Variants in ZHX2 observed in about 807,000 individuals in gnomAD.
ZHX2 encodes the protein zinc fingers and homeoboxes 2, also known as zinc fingers and homeoboxes protein 2.
A neutral mutation model predicts 21.9 loss-of-function variants in ZHX2; 6 were observed. The observed-to-expected ratio is 0.27, with a 90% CI of 0.15 to 0.54. ZHX2 has a LOEUF of 0.54. ZHX2 is among the 20% of genes least tolerant of loss of function. ZHX2 has a pLI of 0.95. For missense variants in ZHX2, 908 were observed against 1,090.7 expected, an observed-to-expected ratio of 0.83 and a Z score of 2.36; for synonymous variants, 434 against 437.1, an observed-to-expected ratio of 0.99 and a Z score of 0.09.
rs115446219 is a variant in ZHX2, at chr8:122,848,319, G to C, written c.-282-15158G>C. On this transcript the variant is annotated intron_variant, in intron 1 of 3. Transcript: ENST00000314393. ...ACACCTCTTTTCAGTTGTCACTGAAGAAGGCGAAGAAGGCAGCCAGAGTCA... is the reference window on the plus strand; with the variant it reads ...ACACCTCTTTTCAGTTGTCACTGAACAAGGCGAAGAAGGCAGCCAGAGTCA... 8.9e-3 allele frequency among the ~76,000 whole-genome samples: 1,352 copies of C among 152,258 alleles called. 23 individuals are homozygous for C. The highest frequency in any genetic ancestry group is 0.03 in the African/African-American group (1,266 of 41,530).
At chr8:122,928,165 C>G (rs1219435202) in intron 2 of ZHX2, among the ~76,000 whole-genome samples, 1 of 152,142 alleles carries the variant, frequency 6.6e-6, no homozygotes, top group Non-Finnish European at 1.5e-5. Flanking sequence ...TTATCTCCCC[C>G]ACTCCCACCA....
At chr8:122,846,246 C>T (rs1335877538) in intron 1 of ZHX2, among the ~76,000 whole-genome samples, 2 of 152,136 alleles carry the variant, frequency 1.3e-5, no homozygotes, top group Non-Finnish European at 2.9e-5. Context: ...GTTAGGGGAT[C>T]CTTGCAAACT....
intron 2 of ZHX2, among the ~76,000 whole-genome samples, chr8:122,865,406 G>C (rs557835019): frequency 1.6e-3 from 237 of 152,316 alleles, no homozygotes; most frequent in Non-Finnish European, 2.6e-3. Flanking sequence ...GGGATTACAG[G>C]CGTGAGCCAC....
rs986456547 is a variant in ZHX2 at position 122,952,320 on chromosome 8, C to T, written c.810C>T (p.Ala270=). The change falls in exon 3 of 4, where the codon GCC becomes GCT. Residue 270 remains alanine, a synonymous_variant. Transcript: ENST00000314393. The surrounding 1 kb of genome is among the most constrained non-coding windows in gnomAD (Gnocchi z 6.9). ...VPLNTTKYNS[A]LDTNATMINS... is the part of the protein sequence containing the mutation. ...TAAATACTACCAAATACAACTCTGC[C>T]CTGGATACAAATGCCACGATGATCA... 32 of 1,614,012 alleles carry T rather than the reference C, an allele frequency of 2.0e-5. No individual in the cohort carries two copies. Among genetic ancestry groups the T allele is most frequent in the Non-Finnish European group, 2.6e-5 (31 of 1,180,028 alleles).
chr8:122,931,174 C>T (rs1418771140), intron 2 of ZHX2, among the ~76,000 whole-genome samples: 1 of 152,214 alleles, frequency 6.6e-6, no homozygotes. Flanking sequence ...GGCCTTCACC[C>T]TGCCTGACTG....
chr8:122,909,709 C>T (rs558440376), intron 2 of ZHX2, among the ~76,000 whole-genome samples: 34 of 152,176 alleles, frequency 2.2e-4, no homozygotes, highest in African/African-American at 7.7e-4. Flanking sequence ...CTCCAGCCTC[C>T]GGAGTGATCC....
intron 1 of ZHX2, among the ~76,000 whole-genome samples, chr8:122,820,535 G>A (rs1237499622): frequency 1.3e-5 from 2 of 152,222 alleles, no homozygotes; most frequent in African/African-American, 4.8e-5. Flanking sequence ...GGACTGAACA[G>A]GACAAGGGAG....
At chr8:122,926,965 A>G (rs548345239) in intron 2 of ZHX2, among the ~76,000 whole-genome samples, 11 of 152,296 alleles carry the variant, frequency 7.2e-5, no homozygotes, top group Admixed American at 7.2e-4. Flanking sequence ...CCTTAACTTC[A>G]TCACATCTGC....
intron 2 of ZHX2, among the ~76,000 whole-genome samples, chr8:122,899,662 C>T (rs1486947442): frequency 2.0e-5 from 3 of 152,124 alleles, no homozygotes; most frequent in Non-Finnish European, 4.4e-5. Flanking sequence ...GGTATTGTGT[C>T]TTACCCTCCT....
intron 1 of ZHX2, among the ~76,000 whole-genome samples, chr8:122,851,763 A>G (rs965120126): frequency 1.4e-4 from 21 of 152,210 alleles, no homozygotes; most frequent in African/African-American, 4.8e-4. Flanking sequence ...TTGGGGGCTC[A>G]GAAAGAGTAA....
At chr8:122,823,335 C>G (rs562925105) in intron 1 of ZHX2, among the ~76,000 whole-genome samples, 55 of 152,370 alleles carry the variant, frequency 3.6e-4, no homozygotes, top group Admixed American at 1.4e-3. Context: ...AGCATCTGCT[C>G]AGGCCTGCAA....
chr8:122,857,632 A>G (rs1261919533), intron 1 of ZHX2, among the ~76,000 whole-genome samples: 1 of 152,128 alleles, frequency 6.6e-6, no homozygotes, highest in Non-Finnish European at 1.5e-5. Flanking sequence ...GAGATGGCCC[A>G]GTTTTCCACA....
rs1355536554 is a variant in ZHX2 at position 122,870,499 on chromosome 8, C to T, written c.-220+6960C>T. The stretch of plus-strand genomic sequence containing the variant: ...TAAAAATAAAAAAAAAATAGCTGGG[C>T]GTAGTGACAGGTGCCTGTAATCCCA... On this transcript the variant is annotated intron_variant, in intron 2 of 3. Coordinates refer to ENST00000314393, the MANE Select transcript of ZHX2 (RefSeq NM_014943.5). 3.3e-5 allele frequency among the ~76,000 whole-genome samples: 5 copies of T among 151,532 alleles called. No homozygotes were observed. The East Asian group carries it at 5.8e-4, about 18-fold the overall frequency.
At chr8:122,850,319 G>A (rs1473673878) in intron 1 of ZHX2, among the ~76,000 whole-genome samples, 1 of 151,718 alleles carries the variant, frequency 6.6e-6, no homozygotes, top group Non-Finnish European at 1.5e-5. Context: ...GCTTCTCACT[G>A]CCTCTACCAC....
At chr8:122,933,479 C>T (rs957887816) in intron 2 of ZHX2, among the ~76,000 whole-genome samples, 3 of 151,932 alleles carry the variant, frequency 2.0e-5, no homozygotes, top group Admixed American at 6.6e-5. Flanking sequence ...TCTCTAAGCC[C>T]TGGTTTTCCG....
chr8:122,893,184 G>C (rs1820022517), intron 2 of ZHX2, among the ~76,000 whole-genome samples: 1 of 152,036 alleles, frequency 6.6e-6, no homozygotes, highest in Non-Finnish European at 1.5e-5. Flanking sequence ...GTGAGGTTTT[G>C]GCTGAAAAAT....
At chr8:122,802,189 G>A (rs915573807) in intron 1 of ZHX2, among the ~76,000 whole-genome samples, 5 of 152,072 alleles carry the variant, frequency 3.3e-5, no homozygotes, top group East Asian at 3.9e-4. Context: ...TCAGCCTCCC[G>A]AGTAGCTGGG....
intron 1 of ZHX2, among the ~76,000 whole-genome samples, chr8:122,810,843 C>CA (rs1346162357): frequency 3.3e-5 from 5 of 151,690 alleles, no homozygotes; most frequent in Admixed American, 1.3e-4. Context: ...GCACATTGTG[C>CA]AGGTTAGTTA....
intron 1 of ZHX2, among the ~76,000 whole-genome samples, chr8:122,863,077 G>C (rs1819205143): frequency 6.6e-6 from 1 of 152,110 alleles, no homozygotes. Flanking sequence ...TGAGCACAGA[G>C]CTTTCCCCCT....
Sources: gnomAD v4.1 joint callset for allele counts (sites outside exome capture counted in the v4.1 genomes callset) on GRCh38, gnomAD v4.1.1 for gene constraint, Gnocchi (gnomAD v3.1) non-coding constraint, MANE v1.5 for transcripts, NCBI Gene and HGNC (gene_info 2026-07-23, HGNC 2026-07-21) for gene names.